EXOC2: variants seen among roughly 807,000 people sequenced by gnomAD.
EXOC2 encodes the protein exocyst complex component 2, also known as SEC5-like 1.
A neutral mutation model predicts 131.8 loss-of-function variants in EXOC2; 70 were observed. The ratio of observed to expected loss-of-function variants is 0.53; its 90% confidence interval spans 0.44 to 0.65. The LOEUF (loss-of-function observed/expected upper bound fraction) is 0.65. Among genes scored for constraint, EXOC2 ranks in the 30% least tolerant of loss-of-function variants. The pLI, the probability that EXOC2 is intolerant of heterozygous loss-of-function variation, is 0.00. For synonymous variants in EXOC2, 411 were observed against 398.4 expected (o/e 1.03, Z -0.38); for missense variants, 923 against 1,108.6 (o/e 0.83, Z 2.38).
chr6:490,663 T>C (rs1763378202), intron 26 of EXOC2, among the ~76,000 whole-genome samples: 1 of 152,222 alleles, frequency 6.6e-6, no homozygotes, highest in Non-Finnish European at 1.5e-5. Flanking sequence ...TAAACAATTT[T>C]GCACAGACAA....
At chr6:494,433 T>G (rs2127472517) in intron 25 of EXOC2, among the ~76,000 whole-genome samples, 1 of 94,736 alleles carries the variant, frequency 1.1e-5, no homozygotes, top group East Asian at 3.5e-4. Context: ...AGTGGACTAT[T>G]TGCACCCGTT....
rs373893075 is a variant in EXOC2, at chr6:609,193, C to T, written c.742+905G>A. Among the ~76,000 whole-genome samples, 23 of 152,300 alleles carry T rather than the reference C, an allele frequency of 1.5e-4. No individual in the cohort carries two copies. In the East Asian group the frequency reaches 4.0e-3, roughly 27 times the overall value. On this transcript the variant is annotated intron_variant, in intron 7 of 27. Transcript: ENST00000230449. ...AAGATATTCACATACAGGCTCAGAA[C>T]GTTCCACCCACGGGACTCACTTAAG...
At chr6:569,844 ATGT>A (rs1382235203) in intron 13 of EXOC2, among the ~76,000 whole-genome samples, 1 of 152,228 alleles carries the variant, frequency 6.6e-6, no homozygotes, top group Non-Finnish European at 1.5e-5. Flanking sequence ...TTCACCATTA[ATGT>A]TGTGCATGAG....
chr6:537,859 A>G (rs1278869894), intron 22 of EXOC2, among the ~76,000 whole-genome samples: 6 of 152,246 alleles, frequency 3.9e-5, no homozygotes, highest in African/African-American at 7.2e-5. Context: ...AACTCCACGT[A>G]AAGTTCTGGG....
chr6:512,610 T>C (rs1181171478), intron 23 of EXOC2, among the ~76,000 whole-genome samples: 1 of 152,224 alleles, frequency 6.6e-6, no homozygotes, highest in East Asian at 1.9e-4. Flanking sequence ...GCACCCCAAC[T>C]ATCTGTCGTA....
chr6:534,467 C>G (rs906530107), intron 22 of EXOC2, among the ~76,000 whole-genome samples: 3 of 151,884 alleles, frequency 2.0e-5, no homozygotes, highest in Non-Finnish European at 4.4e-5. Flanking sequence ...CAGAGACAGA[C>G]TGACTTTCAA....
intron 1 of EXOC2, among the ~76,000 whole-genome samples, chr6:651,434 AC>A (rs1402870194): frequency 6.6e-5 from 10 of 151,850 alleles, no homozygotes; most frequent in African/African-American, 2.4e-4. Context: ...CGGGCAGATA[AC>A]TTGAGGTCAG....
intron 4 of EXOC2, among the ~76,000 whole-genome samples, chr6:621,554 A>G (rs748315164): frequency 7.2e-5 from 11 of 152,026 alleles, no homozygotes; most frequent in Non-Finnish European, 1.5e-4. Flanking sequence ...CTTCTTCACT[A>G]TGTTCCTTTT....
intron 1 of EXOC2, among the ~76,000 whole-genome samples, chr6:682,099 C>A (rs1764429104): frequency 6.6e-6 from 1 of 152,162 alleles, no homozygotes. Context: ...CACAGCACTG[C>A]AGAAAAGTGC....
intron 25 of EXOC2, among the ~76,000 whole-genome samples, chr6:492,358 GA>G (rs1763484979): frequency 1.3e-5 from 2 of 152,188 alleles, no homozygotes; most frequent in Non-Finnish European, 2.9e-5. Context: ...TTCCTCAGAA[GA>G]TTAAGTATAG....
chr6:563,117 G>C (rs1757785896), intron 16 of EXOC2, among the ~76,000 whole-genome samples: 1 of 152,198 alleles, frequency 6.6e-6, no homozygotes, highest in South Asian at 2.1e-4. Context: ...GACAACTTGA[G>C]ACAATCATTT....
chr6:549,908 T>G (rs1757056152), intron 21 of EXOC2, among the ~76,000 whole-genome samples: 1 of 152,202 alleles, frequency 6.6e-6, no homozygotes, highest in East Asian at 1.9e-4. Flanking sequence ...ACGGTCAGTG[T>G]TGCCAAGAGG....
chr6:494,121 A>G (rs1165910212), intron 25 of EXOC2, among the ~76,000 whole-genome samples: 1 of 152,234 alleles, frequency 6.6e-6, no homozygotes, highest in Non-Finnish European at 1.5e-5. Flanking sequence ...AACTTAAACG[A>G]TAATATCAAA....
At chr6:504,060 C>T (rs1414122989) in intron 23 of EXOC2, among the ~76,000 whole-genome samples, 2 of 152,344 alleles carry the variant, frequency 1.3e-5, no homozygotes, top group African/African-American at 4.8e-5. Context: ...TGGCCCGGCT[C>T]GCTGGCTCCA....
At chr6:660,001 G>T (rs531928730) in intron 1 of EXOC2, among the ~76,000 whole-genome samples, 2 of 151,364 alleles carry the variant, frequency 1.3e-5, no homozygotes, top group East Asian at 1.9e-4. Flanking sequence ...CTGTTGGGGG[G>T]GGGACACGGG....
At chr6:626,726 A>G (rs1267963446) in intron 4 of EXOC2, among the ~76,000 whole-genome samples, 2 of 151,876 alleles carry the variant, frequency 1.3e-5, no homozygotes, top group Non-Finnish European at 2.9e-5. Context: ...CAAGTAGCTG[A>G]GATTACATGC....
At chr6:531,112 G>A (rs2493036) in intron 23 of EXOC2, among the ~76,000 whole-genome samples, 45,825 of 151,966 alleles carry the variant, frequency 0.3, 8,231 homozygotes, top group African/African-American at 0.51. Context: ...GAGCCTCCTC[G>A]AAGGTTTTTC....
intron 23 of EXOC2, among the ~76,000 whole-genome samples, chr6:530,722 T>A (rs571260670): frequency 6.6e-6 from 1 of 152,234 alleles, no homozygotes; most frequent in Non-Finnish European, 1.5e-5. Flanking sequence ...CAGGGAGTAC[T>A]GCTGGCCCTC....
rs570423095 is a variant in EXOC2 at position 599,911 on chromosome 6, G to A, written c.743-686C>T. Reference sequence around the variant, plus strand: ...CCATATGAATCACTGTAATGAAAGAGTTGCTTTATTTAAAGCAAAATTTGC... The same window carrying A: ...CCATATGAATCACTGTAATGAAAGAATTGCTTTATTTAAAGCAAAATTTGC... On this transcript the variant is annotated intron_variant, in intron 7 of 27. Transcript: ENST00000230449. Among the ~76,000 whole-genome samples, 32 of 151,782 alleles carry A rather than the reference G, an allele frequency of 2.1e-4. 1 individual carries two copies. The East Asian group carries it at 5.2e-3, about 25-fold the overall frequency.
Sources: gnomAD v4.1 joint callset for allele counts (sites outside exome capture counted in the v4.1 genomes callset) on GRCh38, gnomAD v4.1.1 for gene constraint, MANE v1.5 for transcripts, NCBI Gene and HGNC (gene_info 2026-07-23, HGNC 2026-07-21) for gene names.